The following CSMD1 variants were observed in gnomAD, a reference collection of about 807,000 sequenced individuals.
CSMD1 encodes the protein CUB and sushi domain-containing protein 1.
CSMD1 carries 213 observed loss-of-function variants against 417.5 expected under a neutral mutation model. The observed-to-expected ratio is 0.51, with a 90% CI of 0.46 to 0.57. The LOEUF (loss-of-function observed/expected upper bound fraction) is 0.57, where lower values mean the gene tolerates loss of function less well. Ranked by LOEUF, CSMD1 falls within the 20% of genes least tolerant of loss-of-function variation. CSMD1 has a pLI of 0.00. For synonymous variants in CSMD1, 2,862 were observed against 1,736.8 expected, an observed-to-expected ratio of 1.65 and a Z score of -16.11; for missense variants, 6,923 against 4,529.7, an observed-to-expected ratio of 1.53 and a Z score of -15.17.
intron 2 of CSMD1, among the ~76,000 whole-genome samples, chr8:4,448,660 A>G (rs989392018): frequency 2.0e-5 from 3 of 152,166 alleles, no homozygotes; most frequent in African/African-American, 7.2e-5. Flanking sequence ...ATATGTCAAC[A>G]TCTGACTTTC....
At chr8:3,734,322 T>C (rs888695964) in intron 6 of CSMD1, among the ~76,000 whole-genome samples, 2 of 152,202 alleles carry the variant, frequency 1.3e-5, no homozygotes, top group African/African-American at 2.4e-5. Context: ...TATTTATTAC[T>C]GATAGCCAAG....
At chr8:4,020,467 G>C (rs1458428152) in intron 4 of CSMD1, among the ~76,000 whole-genome samples, 2 of 152,180 alleles carry the variant, frequency 1.3e-5, no homozygotes, top group African/African-American at 2.4e-5. Flanking sequence ...GCTTGGTTAT[G>C]TGACCGCTAG....
chr8:3,416,987 C>T (rs74989647), intron 12 of CSMD1, among the ~76,000 whole-genome samples: 1,963 of 152,308 alleles, frequency 0.013, 45 homozygotes, highest in East Asian at 0.096. Context: ...CAATAGATGA[C>T]TATTGGATTA....
At chr8:3,686,357 T>TA (rs1799943124) in intron 7 of CSMD1, among the ~76,000 whole-genome samples, 1 of 152,150 alleles carries the variant, frequency 6.6e-6, no homozygotes, top group Non-Finnish European at 1.5e-5. Context: ...TGTCTTCACT[T>TA]TTCTAGGATA....
At chr8:3,556,791 G>A (rs1415996924) in intron 10 of CSMD1, among the ~76,000 whole-genome samples, 1 of 152,122 alleles carries the variant, frequency 6.6e-6, no homozygotes, top group Non-Finnish European at 1.5e-5. Context: ...TAGAAAGACT[G>A]CCAAAAGAGG....
In CSMD1 at chr8:4,097,025, C is replaced by A. The variant is rs548829225; in HGVS notation, c.416-64926G>T. Among the ~76,000 whole-genome samples the A allele has an allele frequency of 1.6e-4, 25 of 152,284 alleles. No individual in the cohort carries two copies. In the South Asian group the frequency reaches 4.8e-3, roughly 29 times the overall value. ...TCTTTGAAAATTATTTTTCCACCCC[C>A]ATCTTTTTTTAATTAACTGATGCCT... is the stretch of plus-strand genomic sequence containing the variant. On this transcript the variant is annotated intron_variant, in intron 3 of 69. Transcript: ENST00000635120.
At position 3,131,740 on chromosome 8, in the gene CSMD1, G is replaced by A. The variant is rs1177372057; in HGVS notation, c.6241+10725C>T. Among the ~76,000 whole-genome samples the A allele has an allele frequency of 2.0e-5, 3 of 152,028 alleles. No individual in the cohort carries two copies. The South Asian group carries it at 6.2e-4, about 32-fold the overall frequency. ...ACCCGCCTCGGCCTCCCAAAATGTT[G>A]GGATTACAAGCATGAGCCACTGTGC... On this transcript the variant is annotated intron_variant, in intron 41 of 69. Transcript: ENST00000635120.
At chr8:4,115,815 TA>T (rs201438381) in intron 3 of CSMD1, among the ~76,000 whole-genome samples, 2 of 149,300 alleles carry the variant, frequency 1.3e-5, no homozygotes, top group East Asian at 2.0e-4. Flanking sequence ...TATTTCTCAG[TA>T]AAAAAAAAGC....
At chr8:3,941,844 A>G (rs529683739) in intron 5 of CSMD1, among the ~76,000 whole-genome samples, 14 of 152,246 alleles carry the variant, frequency 9.2e-5, no homozygotes, top group Non-Finnish European at 1.9e-4. Flanking sequence ...TCCTTAAACC[A>G]AAAGGGTCCC....
chr8:4,211,210 T>A (rs1563280035), intron 3 of CSMD1, among the ~76,000 whole-genome samples: 1 of 152,082 alleles, frequency 6.6e-6, no homozygotes, highest in Non-Finnish European at 1.5e-5. Context: ...TTGCCTTTTT[T>A]TTTTTAGCTG....
chr8:4,448,995 T>G (rs1257680197), intron 2 of CSMD1, among the ~76,000 whole-genome samples: 1 of 152,200 alleles, frequency 6.6e-6, no homozygotes, highest in East Asian at 1.9e-4. Context: ...TAGTAGTCAG[T>G]ATTATTTATT....
intron 26 of CSMD1, among the ~76,000 whole-genome samples, chr8:3,233,217 C>T (rs1798948906): frequency 6.6e-6 from 1 of 151,976 alleles, no homozygotes; most frequent in Non-Finnish European, 1.5e-5. Flanking sequence ...GAGGTGAGGC[C>T]TTTAAGAGGT....
chr8:3,414,111 C>T (rs1401979511), intron 12 of CSMD1, among the ~76,000 whole-genome samples: 3 of 146,956 alleles, frequency 2.0e-5, no homozygotes, highest in African/African-American at 7.5e-5. Context: ...TGCAGTCCAG[C>T]CTGTGTGACA....
chr8:4,026,518 A>G (rs1187070856), intron 4 of CSMD1, among the ~76,000 whole-genome samples: 3 of 152,230 alleles, frequency 2.0e-5, no homozygotes, highest in Non-Finnish European at 4.4e-5. Flanking sequence ...AGGATATGTA[A>G]GCAAAAAAGC....
chr8:4,243,301 A>T (rs564433744), intron 3 of CSMD1, among the ~76,000 whole-genome samples: 1 of 152,250 alleles, frequency 6.6e-6, no homozygotes, highest in South Asian at 2.1e-4. Flanking sequence ...TTCATGGTAA[A>T]GGCTCTTGGC....
intron 2 of CSMD1, among the ~76,000 whole-genome samples, chr8:4,468,179 G>C (rs1405080008): frequency 6.6e-6 from 1 of 152,124 alleles, no homozygotes; most frequent in Non-Finnish European, 1.5e-5. Context: ...AACAGCACTT[G>C]TCACGCTGTG....
intron 1 of CSMD1, among the ~76,000 whole-genome samples, chr8:4,727,139 G>A (rs1210926973): frequency 6.6e-6 from 1 of 152,080 alleles, no homozygotes; most frequent in African/African-American, 2.4e-5. Context: ...AACTTCTGCG[G>A]GGACACTTCG....
chr8:4,000,085 C>G (rs1815547888), intron 4 of CSMD1, among the ~76,000 whole-genome samples: 1 of 152,280 alleles, frequency 6.6e-6, no homozygotes, highest in Non-Finnish European at 1.5e-5. Flanking sequence ...GTGCCCACTA[C>G]CAAATGTCTG....
intron 5 of CSMD1, among the ~76,000 whole-genome samples, chr8:3,967,491 T>C (rs893322643): frequency 4.6e-5 from 7 of 151,574 alleles, no homozygotes; most frequent in African/African-American, 9.7e-5. Flanking sequence ...GTTGTTGAAA[T>C]ACATGTGTTG....
Sources: gnomAD v4.1 joint callset for allele counts (sites outside exome capture counted in the v4.1 genomes callset) on GRCh38, gnomAD v4.1.1 for gene constraint, MANE v1.5 for transcripts, NCBI Gene and HGNC (gene_info 2026-07-23, HGNC 2026-07-21) for gene names.